The following NOS3 variants were observed in gnomAD, a reference collection of about 807,000 sequenced individuals.
NOS3 encodes the protein NOS type III.
Under a neutral mutation model 144.9 loss-of-function variants are expected in NOS3, and 98 were observed. The ratio of observed to expected loss-of-function variants is 0.68; its 90% CI spans 0.57 to 0.80. The LOEUF is 0.80. NOS3 is among the 30% of genes least tolerant of loss of function. NOS3 has a pLI of 0.00. For synonymous variants in NOS3, 714 were observed against 702.4 expected (o/e 1.02, Z -0.26); for missense variants, 1,465 against 1,656.4 (o/e 0.88, Z 2.01).
At position 150,998,694 on chromosome 7, in the gene NOS3, G is replaced by T. The variant is rs1032951919; in HGVS notation, c.816+14G>T. The stretch of plus-strand genomic sequence containing the variant: ...GAGATCACCGAGGTGGGCACCGAGG[G>T]CCACCCATGAGGGTGTCCCCAAGGT... On this transcript the variant is annotated intron_variant, in intron 7 of 26. Coordinates refer to ENST00000297494, the MANE Select transcript of NOS3 (RefSeq NM_000603.5). This position sits in a 1 kb window ranked among gnomAD's most constrained non-coding sequence, Gnocchi z 5.0. The T allele has an allele frequency of 3.1e-6, 5 of 1,598,970 alleles. No individual in the cohort carries two copies. The African/African-American group carries it at 6.7e-5, about 21-fold the overall frequency.
rs1563206770 is a variant in NOS3 at position 150,993,867 on chromosome 7, G to A, written c.64G>A (p.Gly22Ser). Reference protein sequence around the residue: ...GPPCGLGLGLGLGLCGKQGPA... With the variant: ...GPPCGLGLGLSLGLCGKQGPA... Reference sequence around the variant, plus strand: ...ACCCTGCGGCCTGGGGCTGGGGCTGGGCCTTGGGCTGTGCGGCAAGCAGGG... The same window carrying A: ...ACCCTGCGGCCTGGGGCTGGGGCTGAGCCTTGGGCTGTGCGGCAAGCAGGG... Residue 22 changes from glycine to serine, a missense_variant, in exon 2 of 27, where the codon GGC becomes AGC. Physicochemically the swap from Gly to Ser is moderately conservative, Grantham distance 56. Transcript: ENST00000297494. This position sits in a 1 kb window ranked among gnomAD's most constrained non-coding sequence, Gnocchi z 4.0. 2 of 1,602,688 alleles carry A rather than the reference G, an allele frequency of 1.2e-6. No individual in the cohort carries two copies. Among genetic ancestry groups the A allele is most frequent in the African/African-American group, 1.3e-5 (1 of 74,210 alleles).
intron 18 of NOS3, 53 bp downstream of exon 18, chr7:151,009,115 C>T (rs2117131360): frequency 1.2e-6 from 2 of 1,613,150 alleles, no homozygotes; most frequent in Non-Finnish European, 1.7e-6. Context: ...CCCCACACCC[C>T]GGGACTAAAG....
rs779041978 is a variant in NOS3 at position 150,998,605 on chromosome 7, G to T, written c.741G>T (p.Gln247His). The T allele has an allele frequency of 5.6e-6, 9 of 1,608,814 alleles. No homozygotes were observed. The highest frequency in any genetic ancestry group is 7.6e-6 in the Non-Finnish European group (9 of 1,178,702). The part of the protein sequence containing the change: ...GRGDFRIWNS[Q>H]LVRYAGYRQQ... The stretch of plus-strand genomic sequence containing the variant: ...GAGACTTCCGAATCTGGAACAGCCA[G>T]CTGGTGCGCTACGCGGGCTACCGGC... Residue 247 changes from glutamine to histidine, a missense_variant, in exon 7 of 27, where the codon CAG becomes CAT. Physicochemically the swap from Gln to His is conservative, Grantham distance 24 (BLOSUM62 0). This residue lies in a region of NOS3 where 374 missense variants were observed against 377.0 expected (regional missense o/e 0.99). Coordinates refer to ENST00000297494, the MANE Select transcript of NOS3 (RefSeq NM_000603.5). This position sits in a 1 kb window ranked among gnomAD's most constrained non-coding sequence, Gnocchi z 5.0.
rs1795026295 is a variant in NOS3, at chr7:150,999,499, G to C, written c.1131+135G>C. On this transcript the variant is annotated intron_variant, in intron 9 of 26. Transcript: ENST00000297494. ...GGGTTGCCTCCTAAATGGGAACTGA[G>C]GACAAGCTCTAGAACCACTGAAGCA... 4.2e-6 allele frequency: 4 copies of C among 950,420 alleles called. No individual in the cohort carries two copies. The South Asian group carries it at 6.7e-5, about 16-fold the overall frequency. 58.9% of individuals were successfully genotyped at this position (950,420 alleles called of 1,614,324 possible).
chr7:151,009,676 C>A, intron 20 of NOS3, 91 bp downstream of exon 20: 1 of 1,189,588 alleles, frequency 8.4e-7, no homozygotes, highest in Non-Finnish European at 1.1e-6. Context: ...AGGACCCGAC[C>A]CAGGGGGTGG....
At chr7:150,997,779 C>T (rs1802464789) in intron 5 of NOS3, among the ~76,000 whole-genome samples, 1 of 152,220 alleles carries the variant, frequency 6.6e-6, no homozygotes, top group South Asian at 2.1e-4. Context: ...CTCAGAGCTG[C>T]GTCCCTCCCT....
chr7:150,994,701 G>T (rs901841310), intron 2 of NOS3, among the ~76,000 whole-genome samples: 2 of 152,166 alleles, frequency 1.3e-5, no homozygotes, highest in African/African-American at 2.4e-5. Context: ...CGCACCCTTG[G>T]CCTGAGTCCC....
chr7:151,002,765 C>A lies in NOS3; in HGVS notation c.1752+461C>A, dbSNP rs536733440. On this transcript the variant is annotated intron_variant, in intron 14 of 26. Transcript: ENST00000297494. This position sits in a 1 kb window ranked among gnomAD's most constrained non-coding sequence, Gnocchi z 4.1. ...GGTGTGTTCAGTTTGTAAAAATCCA[C>A]AGAGCTGTACATTTACAACATGTGC... 5.0e-6 allele frequency: 1 copy of A among 198,864 alleles called. No individual in the cohort carries two copies. Among genetic ancestry groups the A allele is most frequent in the Admixed American group, 5.5e-5 (1 of 18,258 alleles). 12.3% of individuals were successfully genotyped at this position (198,864 alleles called of 1,614,324 possible). A position where few individuals can be genotyped will look rare whatever the true frequency, so the allele number is the denominator to read the frequency against.
intron 17 of NOS3, 59 bp from the exon 18 acceptor site, chr7:151,008,871 C>G (rs1345593637): frequency 2.6e-6 from 4 of 1,529,122 alleles, no homozygotes; most frequent in Non-Finnish European, 3.5e-6. Flanking sequence ...GCCCAGGCGC[C>G]TCACTAGGGC....
rs1165723490 is a variant in NOS3, at chr7:151,010,282, A to G, written c.2680A>G (p.Ser894Gly). 5 of 1,612,140 alleles carry G rather than the reference A, an allele frequency of 3.1e-6. No individual in the cohort carries two copies. Among genetic ancestry groups the G allele is most frequent in the Non-Finnish European group, 4.2e-6 (5 of 1,179,542 alleles). Residue 894 changes from serine to glycine, a missense_variant, in exon 21 of 27, where the codon AGC becomes GGC. Physicochemically the swap from Ser to Gly is moderately conservative, Grantham distance 56. Transcript: ENST00000297494. ...GGAACAGCAGGAGCTGGAGGCCCTC[A>G]GCCAGGTTGGGGGCCACCCCAATGA... ...PREQQELEAL[S>G]QDPRRYEEWK...
At chr7:151,013,978 G>A (rs769636313) in intron 26 of NOS3, 30 bp from the exon 27 acceptor site, 32 of 1,608,598 alleles carry the variant, frequency 2.0e-5, no homozygotes, top group Non-Finnish European at 2.7e-5. Context: ...TCCGAGTCGG[G>A]TTCTGATCCA....
intron 17 of NOS3, 67 bp from the exon 18 acceptor site, chr7:151,008,863 C>T (rs1441162168): frequency 1.3e-6 from 2 of 1,510,238 alleles, no homozygotes; most frequent in Non-Finnish European, 1.8e-6. Context: ...GTGAAGCCGC[C>T]CAGGCGCCTC....
At position 150,993,683 on chromosome 7, in the gene NOS3, G is replaced by A. The variant is rs112116007; in HGVS notation, c.-51-70G>A. On this transcript the variant is annotated intron_variant, in intron 1 of 26. Coordinates refer to ENST00000297494, the MANE Select transcript of NOS3 (RefSeq NM_000603.5). This position sits in a 1 kb window ranked among gnomAD's most constrained non-coding sequence, Gnocchi z 4.0. ...GTCCCATTGTGTATGGGATAGGGGC[G>A]GGGCGAGGGCCAGCACTGGAGAGCC... is the stretch of plus-strand genomic sequence containing the variant. 2.4e-4 allele frequency: 233 copies of A among 975,860 alleles called. No homozygotes were observed. In the African/African-American group the frequency reaches 3.3e-3, roughly 14 times the overall value. 60.5% of individuals were successfully genotyped at this position (975,860 alleles called of 1,614,324 possible). A position where few individuals can be genotyped will look rare whatever the true frequency, so the allele number is the denominator to read the frequency against.
chr7:151,004,104 A>G lies in NOS3; in HGVS notation c.1752+1800A>G, dbSNP rs370223468. Among the ~76,000 whole-genome samples the G allele has an allele frequency of 1.3e-4, 20 of 152,356 alleles. No individual in the cohort carries two copies. In the East Asian group the frequency reaches 2.9e-3, roughly 22 times the overall value. On this transcript the variant is annotated intron_variant, in intron 14 of 26. Transcript: ENST00000297494. Reference sequence around the variant, plus strand: ...GTGATCCCAGCACTTTGGGAGGCCCAGGTGGGTGGATCACTTGAGGTCAGA... The same window carrying G: ...GTGATCCCAGCACTTTGGGAGGCCCGGGTGGGTGGATCACTTGAGGTCAGA...
intron 24 of NOS3, 77 bp from the exon 25 acceptor site, chr7:151,013,154 C>A: frequency 1.3e-6 from 2 of 1,493,968 alleles, no homozygotes; most frequent in Non-Finnish European, 1.8e-6. Context: ...CCAGGCTGGG[C>A]GACGGTGGCC....
chr7:150,995,090 C>T (rs571138341), intron 2 of NOS3, 113 bp from the exon 3 acceptor site: 14 of 596,158 alleles, frequency 2.3e-5, no homozygotes, highest in South Asian at 1.6e-4. Context: ...AGAAGGCATG[C>T]GGCAGGTGGG....
rs1272835366 is a variant in NOS3 at position 151,003,271 on chromosome 7, G to A, written c.1752+967G>A. 8.5e-6 allele frequency: 4 copies of A among 468,456 alleles called. No individual in the cohort carries two copies. Among genetic ancestry groups the A allele is most frequent in the Admixed American group, 4.7e-5 (2 of 42,298 alleles). The allele number at this position is 468,456 out of a possible 1,614,324, so 29.0% of individuals were successfully genotyped here. ...CTCCCAAGTAGTTGGGACTACAGGC[G>A]CATGCCATGATGCCTAGCTAATTTT... On this transcript the variant is annotated intron_variant, in intron 14 of 26. Coordinates refer to ENST00000297494, the MANE Select transcript of NOS3 (RefSeq NM_000603.5). The surrounding 1 kb of genome is among the most constrained non-coding windows in gnomAD (Gnocchi z 4.1).
At chr7:151,000,115 G>GGTGGGT (rs1249367991) in intron 9 of NOS3, among the ~76,000 whole-genome samples, 1 of 149,040 alleles carries the variant, frequency 6.7e-6, no homozygotes, top group Non-Finnish European at 1.5e-5. Flanking sequence ...TGGGTTTGTG[G>GGTGGGT]GTGGGTGTGG....
chr7:151,011,488 T>G (rs1418170265), intron 23 of NOS3, among the ~76,000 whole-genome samples: 2 of 139,798 alleles, frequency 1.4e-5, no homozygotes, highest in East Asian at 5.2e-4. Flanking sequence ...CTCGGCTTAC[T>G]GCAACCTCCG....
Sources: gnomAD v4.1 joint callset for allele counts (sites outside exome capture counted in the v4.1 genomes callset) on GRCh38, gnomAD v4.1.1 for gene constraint, gnomAD v4.1.1 regional missense constraint, Gnocchi (gnomAD v3.1) non-coding constraint, MANE v1.5 for transcripts, NCBI Gene and HGNC (gene_info 2026-07-23, HGNC 2026-07-21) for gene names.